Variants in DLX1 observed in about 807,000 individuals in gnomAD.
DLX1 encodes distal-less homeobox 1, also known as homeobox protein DLX-1.
DLX1 carries 7 observed loss-of-function variants against 25.0 expected under a neutral mutation model. The observed-to-expected ratio is 0.28, with a 90% CI of 0.16 to 0.52. The LOEUF is 0.52. DLX1 is among the 20% of genes least tolerant of loss of function. The pLI is 0.96. For synonymous variants in DLX1, 155 were observed against 140.3 expected, an observed-to-expected ratio of 1.10 and a Z score of -0.74; for missense variants, 233 against 334.4, an observed-to-expected ratio of 0.70 and a Z score of 2.37.
At position 172,085,637 on chromosome 2, in the gene DLX1, C is replaced by G; in HGVS notation, c.-41C>G. The G allele has an allele frequency of 6.3e-7, 1 of 1,579,438 alleles. No individual in the cohort carries two copies. The highest frequency in any genetic ancestry group is 1.2e-5 in the South Asian group (1 of 84,570). ...AACATAGAGACCCCCAAAAGGGAAG[C>G]AGAGGAGAGAAAGTCCCACACCCAG... On this transcript the variant is annotated 5_prime_UTR_variant, in exon 1 of 3. Transcript: ENST00000361725. The surrounding 1 kb of genome is among the most constrained non-coding windows in gnomAD (Gnocchi z 4.3).
rs780278640 is a variant in DLX1, at chr2:172,088,291, C to A, written c.*34C>A. On this transcript the variant is annotated 3_prime_UTR_variant, in exon 3 of 3. Transcript: ENST00000361725. ...GCCCGTCTCCTTCTTGTCTCCCCGGCCCAGGTCCCTCCCGCCTCCAGGTCC... is the reference window on the plus strand; with the variant it reads ...GCCCGTCTCCTTCTTGTCTCCCCGGACCAGGTCCCTCCCGCCTCCAGGTCC... The A allele has an allele frequency of 3.5e-6, 5 of 1,420,180 alleles. No homozygotes were observed. Among genetic ancestry groups the A allele is most frequent in the African/African-American group, 1.5e-5 (1 of 67,538 alleles). The allele number at this position is 1,420,180 out of a possible 1,614,324, so 88.0% of individuals were successfully genotyped here.
At chr2:172,087,152 G>C in intron 2 of DLX1, 1 of 637,102 alleles carries the variant, frequency 1.6e-6, no homozygotes. Context: ...GGTCACACGT[G>C]CCTAAACAAC....
Position 172,088,117 on chromosome 2 carries a change from C to G in DLX1, c.628C>G (p.Pro210Ala), listed in dbSNP as rs747497909. The change falls in exon 3 of 3, where the codon CCA becomes GCA. Residue 210 changes from proline (P) to alanine (A), a missense_variant. Around this residue, in one of 3 missense-constraint regions of DLX1, gnomAD observed 84 missense variants for 81.8 expected, o/e 1.03. Transcript: ENST00000361725. Reference protein sequence around the residue: ...ANGRALSAGSPPVPPGWNPNS... With the variant: ...ANGRALSAGSAPVPPGWNPNS... Reference sequence around the variant, plus strand: ...CGGTCGGGCCCTGTCTGCTGGCTCCCCACCCGTGCCGCCCGGCTGGAACCC... The same window carrying G: ...CGGTCGGGCCCTGTCTGCTGGCTCCGCACCCGTGCCGCCCGGCTGGAACCC... 2 of 1,608,620 alleles carry G rather than the reference C, an allele frequency of 1.2e-6. No individual in the cohort carries two copies. Among genetic ancestry groups the G allele is most frequent in the Non-Finnish European group, 8.5e-7 (1 of 1,177,346 alleles).
Position 172,088,402 on chromosome 2 carries a change from G to A in DLX1, c.*145G>A, listed in dbSNP as rs1024356787. The A allele has an allele frequency of 1.8e-6, 2 of 1,137,484 alleles. No homozygotes were observed. The highest frequency in any genetic ancestry group is 2.5e-5 in the South Asian group (1 of 40,570). 70.5% of individuals were successfully genotyped at this position (1,137,484 alleles called of 1,614,324 possible). ...CCTCCATCTCCTCGGAGCCCCGCGA[G>A]GTCCGGCCCAGCAACTTCCCGGCAT... On this transcript the variant is annotated 3_prime_UTR_variant, in exon 3 of 3. Transcript: ENST00000361725.
chr2:172,085,925 A>G lies in DLX1; in HGVS notation c.248A>G (p.Tyr83Cys). The change falls in exon 1 of 3, where the codon TAC (tyrosine) becomes TGC (cysteine). Residue 83 changes from tyrosine to cysteine, a missense_variant. This residue lies in a region of DLX1 where 126 missense variants were observed against 170.4 expected (regional missense o/e 0.74). Transcript: ENST00000361725. The surrounding 1 kb of genome is among the most constrained non-coding windows in gnomAD (Gnocchi z 4.3). ...NSVSSHASSP[Y>C]ISSVQSYPGS... is the part of the protein sequence containing the mutation. Reference sequence around the variant, plus strand: ...GTCAGCAGCCACGCATCCAGCCCCTACATCAGTTCGGTGCAGTCCTACCCG... The same window carrying G: ...GTCAGCAGCCACGCATCCAGCCCCTGCATCAGTTCGGTGCAGTCCTACCCG... The G allele has an allele frequency of 3.1e-6, 5 of 1,614,084 alleles. No homozygotes were observed. Among genetic ancestry groups the G allele is most frequent in the South Asian group, 1.1e-5 (1 of 91,080 alleles).
chr2:172,087,046 G>A, intron 2 of DLX1, 193 bp downstream of exon 2: 1 of 733,170 alleles, frequency 1.4e-6, no homozygotes, highest in Admixed American at 2.0e-5. Flanking sequence ...ACTGCTCTCG[G>A]TATCCCGAGC....
At position 172,086,742 on chromosome 2, in the gene DLX1, T is replaced by C. The variant is rs1337583962; in HGVS notation, c.402T>C (p.Ile134=). ...KGKKIRKPRT[I]YSSLQLQALN... is the part of the protein sequence containing the mutation. ...AAAAGATCCGTAAACCCAGGACGAT[T>C]TATTCCAGTTTGCAGTTGCAGGCTT... Residue 134 remains isoleucine, a synonymous_variant, in exon 2 of 3, where the codon ATT becomes ATC. Transcript: ENST00000361725. 2 of 1,606,812 alleles carry C rather than the reference T, an allele frequency of 1.2e-6. No homozygotes were observed. The highest frequency in any genetic ancestry group is 1.7e-6 in the Non-Finnish European group (2 of 1,176,214).
chr2:172,087,955 T>C (rs776403160), intron 2 of DLX1, 48 bp from the exon 3 acceptor site: 2 of 1,506,748 alleles, frequency 1.3e-6, no homozygotes, highest in Non-Finnish European at 1.8e-6. Context: ...GTGACCTAGG[T>C]AGGCTCAGTG....
rs771957566 is a variant in DLX1, at chr2:172,087,104, GGAA to G, written c.513+253_513+255del. On this transcript the variant is annotated intron_variant, in intron 2 of 2. Transcript: ENST00000361725. ...CCCTGGACAATCTGATTAGGGCGCA[GGAA>G]GGATTTCCCCAGACGATTTGTTTGG... 4.3e-6 allele frequency: 3 copies of G among 697,910 alleles called. No individual in the cohort carries two copies. In the South Asian group the frequency reaches 4.5e-5, roughly 10 times the overall value. The allele number at this position is 697,910 out of a possible 1,614,324, so 43.2% of individuals were successfully genotyped here.
chr2:172,085,971 G>A lies in DLX1; in HGVS notation c.294G>A (p.Gln98=), dbSNP rs1470207186. The A allele has an allele frequency of 6.2e-7, 1 of 1,612,992 alleles. No homozygotes were observed. The highest frequency in any genetic ancestry group is 1.1e-5 in the South Asian group (1 of 90,994). Residue 98 remains glutamine, a synonymous_variant, in exon 1 of 3, where the codon CAG becomes CAA. Transcript: ENST00000361725. This position sits in a 1 kb window ranked among gnomAD's most constrained non-coding sequence, Gnocchi z 4.3. ...ACCCGGGCAGCGCCAGCCTCGCCCAGAGCCGCCTGGAGGACCCAGGTACGT... is the reference window on the plus strand; with the variant it reads ...ACCCGGGCAGCGCCAGCCTCGCCCAAAGCCGCCTGGAGGACCCAGGTACGT... The part of the protein sequence containing the change: ...QSYPGSASLA[Q]SRLEDPGADS...
Position 172,085,716 on chromosome 2 carries a change from C to G in DLX1, c.39C>G (p.Pro13=), listed in dbSNP as rs771773653. The G allele has an allele frequency of 6.2e-7, 1 of 1,613,992 alleles. No homozygotes were observed. The highest frequency in any genetic ancestry group is 1.1e-5 in the South Asian group (1 of 91,070). ...CCATGCCAGAAAGTCTCAACAGCCCCGTGTCGGGCAAGGCGGTGTTTATGG... is the reference window on the plus strand; with the variant it reads ...CCATGCCAGAAAGTCTCAACAGCCCGGTGTCGGGCAAGGCGGTGTTTATGG... ...MTTMPESLNS[P]VSGKAVFMEF... The change falls in exon 1 of 3, where the codon CCC becomes CCG. Residue 13 remains proline (P), a synonymous_variant. Transcript: ENST00000361725. The surrounding 1 kb of genome is among the most constrained non-coding windows in gnomAD (Gnocchi z 4.3).
chr2:172,086,336 C>T (rs1690838730), intron 1 of DLX1: 7 of 467,796 alleles, frequency 1.5e-5, no homozygotes, highest in Admixed American at 3.8e-5. Flanking sequence ...GTATTAGTCT[C>T]GGTAATTATT....
In DLX1 at chr2:172,088,657, G is replaced by A; in HGVS notation, c.*400G>A. ...TCAGTCTCCTGTCTCCTTTTGCTCT[G>A]TCTGTGCGCTGGTAAAGTCCAGGTC... On this transcript the variant is annotated 3_prime_UTR_variant, in exon 3 of 3. Coordinates refer to ENST00000361725, the MANE Select transcript of DLX1 (RefSeq NM_178120.5). The A allele has an allele frequency of 6.2e-6, 1 of 160,570 alleles. No individual in the cohort carries two copies. The highest frequency in any genetic ancestry group is 1.4e-5 in the Non-Finnish European group (1 of 73,462). 9.9% of individuals were successfully genotyped at this position (160,570 alleles called of 1,614,324 possible). A position where few individuals can be genotyped will look rare whatever the true frequency, so the allele number is the denominator to read the frequency against.
intron 1 of DLX1, 157 bp downstream of exon 1, chr2:172,086,147 G>T: frequency 1.4e-6 from 1 of 691,236 alleles, no homozygotes; most frequent in Non-Finnish European, 2.4e-6. Context: ...TGGAGGTTTC[G>T]AATATCAATC....
In DLX1 at chr2:172,088,459, G is replaced by A. The variant is rs927099229; in HGVS notation, c.*202G>A. The A allele has an allele frequency of 2.2e-5, 13 of 585,018 alleles. No individual in the cohort carries two copies. Among genetic ancestry groups the A allele is most frequent in the African/African-American group, 1.9e-4 (10 of 51,956 alleles). 36.2% of individuals were successfully genotyped at this position (585,018 alleles called of 1,614,324 possible). ...TCTAGCCTGAACCCTGGCCTGGGCC[G>A]AGCAGTGGCAGCAGAGAGTGGCCTC... On this transcript the variant is annotated 3_prime_UTR_variant, in exon 3 of 3. Coordinates refer to ENST00000361725, the MANE Select transcript of DLX1 (RefSeq NM_178120.5).
At chr2:172,086,033 G>C (rs980113646) in intron 1 of DLX1, 43 bp downstream of exon 1, 37 of 1,527,660 alleles carry the variant, frequency 2.4e-5, no homozygotes, top group Non-Finnish European at 3.3e-5. Flanking sequence ...GAGGTACAAG[G>C]GAGAGAGGGA....
At chr2:172,087,699 T>C (rs905785326) in intron 2 of DLX1, 2 of 602,816 alleles carry the variant, frequency 3.3e-6, no homozygotes, top group Admixed American at 2.1e-5. Flanking sequence ...GTAGCCACGG[T>C]CGGACTGAGC....
In DLX1 at chr2:172,086,788, A is replaced by G; in HGVS notation, c.448A>G (p.Thr150Ala). Residue 150 changes from threonine to alanine, a missense_variant, in exon 2 of 3, where the codon ACT becomes GCT. By Grantham distance (58) the Thr-to-Ala change is moderately conservative. Transcript: ENST00000361725. ...LQALNRRFQQ[T>A]QYLALPERAE... is the part of the protein sequence containing the mutation. ...GGCTTTGAACCGGAGGTTCCAGCAA[A>G]CTCAGTACCTAGCTCTGCCGGAGAG... 6.2e-7 allele frequency: 1 copy of G among 1,614,108 alleles called. No individual in the cohort carries two copies. Among genetic ancestry groups the G allele is most frequent in the Non-Finnish European group, 8.5e-7 (1 of 1,179,988 alleles).
At position 172,087,390 on chromosome 2, in the gene DLX1, G is replaced by T. The variant is rs1463073065; in HGVS notation, c.513+537G>T. On this transcript the variant is annotated intron_variant, in intron 2 of 2. Coordinates refer to ENST00000361725, the MANE Select transcript of DLX1 (RefSeq NM_178120.5). ...GTAAGACTCCGGGGAGCCCGTGAGC[G>T]TTCCTGACGGCGGCGGGCGCGGGTT... 9.9e-6 allele frequency: 4 copies of T among 405,792 alleles called. No individual in the cohort carries two copies. In the Admixed American group the frequency reaches 1.1e-4, roughly 11 times the overall value. 25.1% of individuals were successfully genotyped at this position (405,792 alleles called of 1,614,324 possible).
Sources: allele counts gnomAD v4.1 joint callset, GRCh38; gene constraint gnomAD v4.1.1; regional missense constraint gnomAD v4.1.1; non-coding constraint Gnocchi (gnomAD v3.1); transcripts MANE v1.5; gene names NCBI Gene and HGNC (gene_info 2026-07-23, HGNC 2026-07-21).